Variants in CTNNA2 observed in about 807,000 individuals in gnomAD.
CTNNA2 encodes catenin alpha 2.
In CTNNA2, 42 loss-of-function variants were observed where a neutral mutation model predicts 101.0. That is an observed-to-expected ratio of 0.42 (90% CI 0.32 to 0.54). The LOEUF (loss-of-function observed/expected upper bound fraction) is 0.54, where lower values mean the gene tolerates loss of function less well. Among genes scored for constraint, CTNNA2 ranks in the 20% least tolerant of loss-of-function variants. The pLI, the probability that CTNNA2 is intolerant of heterozygous loss-of-function variation, is 0.14. For missense variants in CTNNA2, 871 were observed against 1,223.1 expected, an observed-to-expected ratio of 0.71 and a Z score of 4.29; for synonymous variants, 450 against 456.4, an observed-to-expected ratio of 0.99 and a Z score of 0.18.
intron 2 of CTNNA2, among the ~76,000 whole-genome samples, chr2:79,275,215 C>T (rs1675181224): frequency 6.6e-6 from 1 of 152,008 alleles, no homozygotes; most frequent in Non-Finnish European, 1.5e-5. Flanking sequence ...GACAAAATGA[C>T]AGCATATAGG....
intron 6 of CTNNA2, among the ~76,000 whole-genome samples, chr2:79,876,343 G>A (rs1683022564): frequency 6.6e-6 from 1 of 152,130 alleles, no homozygotes; most frequent in Non-Finnish European, 1.5e-5. Context: ...TTTTAAAGGT[G>A]TGTATTGAAA....
chr2:79,415,347 A>G (rs1228350183), intron 4 of CTNNA2, among the ~76,000 whole-genome samples: 3 of 152,192 alleles, frequency 2.0e-5, no homozygotes, highest in Non-Finnish European at 4.4e-5. Flanking sequence ...AGCAGATGCC[A>G]GTGCAGTGCT....
At chr2:80,576,552 G>A (rs570404640) in intron 13 of CTNNA2, 2 of 151,948 alleles carry the variant, frequency 1.3e-5, no homozygotes, top group East Asian at 1.9e-4. Flanking sequence ...CTGTGAACAC[G>A]AAATTTGTGA....
intron 2 of CTNNA2, among the ~76,000 whole-genome samples, chr2:79,741,465 CT>C (rs1363540586): frequency 6.6e-6 from 1 of 152,040 alleles, no homozygotes. Flanking sequence ...GAAATGACAT[CT>C]TTTCAATCTT....
intron 7 of CTNNA2, among the ~76,000 whole-genome samples, chr2:80,056,289 G>A (rs962838489): frequency 9.9e-5 from 15 of 152,132 alleles, no homozygotes; most frequent in Admixed American, 7.2e-4. Flanking sequence ...CATCTCATTG[G>A]CCAGAACTTA....
chr2:80,159,143 G>A (rs1408426587), intron 7 of CTNNA2, among the ~76,000 whole-genome samples: 2 of 152,114 alleles, frequency 1.3e-5, no homozygotes, highest in African/African-American at 4.8e-5. Flanking sequence ...ATTTCTCTGG[G>A]ATAAATGCCC....
At chr2:80,527,805 A>T (rs1405712322) in intron 9 of CTNNA2, among the ~76,000 whole-genome samples, 2 of 152,198 alleles carry the variant, frequency 1.3e-5, no homozygotes, top group Non-Finnish European at 2.9e-5. Flanking sequence ...CTGAATTTAA[A>T]GTAAATTTAA....
intron 1 of CTNNA2, chr2:79,649,425 G>C (rs1205718777): frequency 6.5e-6 from 1 of 154,680 alleles, no homozygotes; most frequent in African/African-American, 2.4e-5. Context: ...GTTTGAAAAA[G>C]GTTCTCAGGG....
At position 80,197,228 on chromosome 2, in the gene CTNNA2, C is replaced by T. The variant is rs567051005; in HGVS notation, c.1057-195983C>T. 1.7e-4 allele frequency among the ~76,000 whole-genome samples: 26 copies of T among 152,310 alleles called. No individual in the cohort carries two copies. In the South Asian group the frequency reaches 3.3e-3, roughly 19 times the overall value. On this transcript the variant is annotated intron_variant, in intron 7 of 18. Transcript: ENST00000402739. ...GATAGTAGGATCTGTGAAGGCAGGGCTCAGACTCACATCGTTCACCACTGG... is the reference window on the plus strand; with the variant it reads ...GATAGTAGGATCTGTGAAGGCAGGGTTCAGACTCACATCGTTCACCACTGG...
intron 1 of CTNNA2, among the ~76,000 whole-genome samples, chr2:79,530,050 C>G (rs1672645855): frequency 6.6e-6 from 1 of 152,020 alleles, no homozygotes; most frequent in South Asian, 2.1e-4. Flanking sequence ...AACAATGACC[C>G]CATGTCCACT....
intron 3 of CTNNA2, among the ~76,000 whole-genome samples, chr2:79,353,404 C>T (rs959499960): frequency 1.3e-5 from 2 of 152,062 alleles, no homozygotes; most frequent in Non-Finnish European, 2.9e-5. Context: ...GCTTTATGGC[C>T]AAGGATGCGG....
chr2:79,543,098 T>C (rs1180898644), intron 1 of CTNNA2, among the ~76,000 whole-genome samples: 1 of 152,180 alleles, frequency 6.6e-6, no homozygotes, highest in African/African-American at 2.4e-5. Context: ...GTTAAGTGAA[T>C]TGTCTGGAAC....
At chr2:79,481,132 G>A (rs894970905) in intron 4 of CTNNA2, among the ~76,000 whole-genome samples, 1 of 151,980 alleles carries the variant, frequency 6.6e-6, no homozygotes, top group Non-Finnish European at 1.5e-5. Flanking sequence ...TATGAATAAA[G>A]TGAATATTAA....
Position 79,357,758 on chromosome 2 carries a change from G to A in CTNNA2, c.-317-16073G>A, listed in dbSNP as rs552122333. Among the ~76,000 whole-genome samples the A allele has an allele frequency of 7.2e-5, 11 of 152,284 alleles. 1 individual carries two copies. Among genetic ancestry groups the A allele is most frequent in the Admixed American group, 2.0e-4 (3 of 15,292 alleles). The stretch of plus-strand genomic sequence containing the variant: ...GGGAAAGGATACAATGCCTTCAAAT[G>A]AGCAACAGTAAGGCTGACAGTTAAT... On this transcript the variant is annotated intron_variant, in intron 3 of 21. Coordinates refer to the CTNNA2 transcript ENST00000466387.
At chr2:79,958,114 A>G (rs1689368703) in intron 7 of CTNNA2, among the ~76,000 whole-genome samples, 1 of 152,210 alleles carries the variant, frequency 6.6e-6, no homozygotes, top group Non-Finnish European at 1.5e-5. Context: ...TAATGTTCAG[A>G]ACTTGACTCA....
chr2:79,201,541 G>A (rs1248796102), intron 2 of CTNNA2, among the ~76,000 whole-genome samples: 8 of 152,160 alleles, frequency 5.3e-5, no homozygotes, highest in Non-Finnish European at 7.4e-5. Context: ...TTGTTGGAAG[G>A]AAGTAAAGCT....
At chr2:79,276,235 G>T (rs771494685) in intron 2 of CTNNA2, among the ~76,000 whole-genome samples, 5 of 152,036 alleles carry the variant, frequency 3.3e-5, no homozygotes, top group Admixed American at 1.3e-4. Context: ...TAATTATTAC[G>T]CATAAGTCCT....
chr2:80,277,642 G>A (rs974811613), intron 7 of CTNNA2, among the ~76,000 whole-genome samples: 1 of 151,568 alleles, frequency 6.6e-6, no homozygotes, highest in African/African-American at 2.4e-5. Flanking sequence ...GGGACCTTCT[G>A]GTGAGAGGAA....
chr2:79,548,285 A>G (rs1673866591), intron 1 of CTNNA2, among the ~76,000 whole-genome samples: 1 of 152,216 alleles, frequency 6.6e-6, no homozygotes, highest in Non-Finnish European at 1.5e-5. Context: ...TATCACTTTC[A>G]CAGACTCTCC....
Sources: gnomAD v4.1 joint callset for allele counts (sites outside exome capture counted in the v4.1 genomes callset) on GRCh38, gnomAD v4.1.1 for gene constraint, MANE v1.5 for transcripts, NCBI Gene and HGNC (gene_info 2026-07-23, HGNC 2026-07-21) for gene names.